DPYD: variants seen among roughly 807,000 people sequenced by gnomAD.
The protein encoded by DPYD is dihydropyrimidine dehydrogenase [NADP(+)].
Under a neutral mutation model 116.2 loss-of-function variants are expected in DPYD, and 109 were observed. The ratio of observed to expected loss-of-function variants is 0.94; its 90% CI spans 0.80 to 1.10. DPYD has a LOEUF of 1.10. DPYD is among the 50% of genes least tolerant of loss of function. The probability of loss-of-function intolerance (pLI) is 0.00; values close to 1 mark genes in which losing one functional copy is unlikely to be tolerated. For synonymous variants in DPYD, 440 were observed against 432.0 expected (o/e 1.02, Z -0.23); for missense variants, 1,302 against 1,254.5 (o/e 1.04, Z -0.57).
intron 16 of DPYD, among the ~76,000 whole-genome samples, chr1:97,361,964 C>A (rs34011849): frequency 6.6e-6 from 1 of 152,042 alleles, no homozygotes; most frequent in Non-Finnish European, 1.5e-5. Context: ...GGCCATCAGG[C>A]AAGAGAAAGA....
chr1:97,181,554 A>G (rs1427566765), intron 20 of DPYD, among the ~76,000 whole-genome samples: 1 of 152,142 alleles, frequency 6.6e-6, no homozygotes, highest in East Asian at 1.9e-4. Context: ...TTCAAAAGAC[A>G]AAGATGCTAG....
chr1:97,837,715 A>C (rs897960568), intron 2 of DPYD, among the ~76,000 whole-genome samples: 1 of 152,194 alleles, frequency 6.6e-6, no homozygotes, highest in South Asian at 2.1e-4. Context: ...TTAGCAATAA[A>C]TAGATCAATA....
rs553397006 is a variant in DPYD at position 97,392,649 on chromosome 1, GT to G, written c.1906-10189del. On this transcript the variant is annotated intron_variant, in intron 14 of 22. Transcript: ENST00000370192. ...GTTTATGGAATATTCTAAATCTTTT[GT>G]TTTTATTTCAACAACGTTCACAGCA... 3.6e-3 allele frequency among the ~76,000 whole-genome samples: 555 copies of G among 152,080 alleles called. 3 individuals are homozygous for G. The highest frequency in any genetic ancestry group is 0.013 in the African/African-American group (539 of 41,520).
chr1:97,752,290 TCACACACACACACACA>T (rs146577982), intron 3 of DPYD, among the ~76,000 whole-genome samples: 1 of 145,862 alleles, frequency 6.9e-6, no homozygotes, highest in Non-Finnish European at 1.5e-5. Context: ...TAAACCTACT[TCACACACACACACACA>T]CACACACACA....
intron 19 of DPYD, among the ~76,000 whole-genome samples, chr1:97,232,665 ATTTT>A (rs764641371): frequency 3.3e-5 from 5 of 151,728 alleles, no homozygotes; most frequent in Admixed American, 2.0e-4. Flanking sequence ...TAGTTCACTG[ATTTT>A]TTCTTCTGTT....
intron 21 of DPYD, among the ~76,000 whole-genome samples, chr1:97,082,879 G>T (rs1478926626): frequency 6.6e-6 from 1 of 152,088 alleles, no homozygotes; most frequent in African/African-American, 2.4e-5. Context: ...AGTTTAGATT[G>T]CTCATAATGA....
chr1:97,274,122 C>T (rs471581), intron 18 of DPYD, among the ~76,000 whole-genome samples: 115,629 of 152,058 alleles, frequency 0.76, 44,977 homozygotes, highest in African/African-American at 0.93. Flanking sequence ...AGAATAAAAA[C>T]GAGAAAATAA....
intron 8 of DPYD, among the ~76,000 whole-genome samples, chr1:97,632,357 T>A (rs1010105734): frequency 2.0e-5 from 3 of 152,166 alleles, no homozygotes; most frequent in Admixed American, 1.3e-4. Context: ...TCTAGAGCTA[T>A]CTACCATCCC....
chr1:97,155,964 G>A (rs912759366), intron 20 of DPYD, among the ~76,000 whole-genome samples: 1 of 151,196 alleles, frequency 6.6e-6, no homozygotes, highest in Non-Finnish European at 1.5e-5. Context: ...CATAGCTGTG[G>A]AGTTGGGCCT....
At chr1:97,565,628 A>T (rs1457769180) in intron 11 of DPYD, among the ~76,000 whole-genome samples, 7 of 152,078 alleles carry the variant, frequency 4.6e-5, no homozygotes, top group Non-Finnish European at 1.0e-4. Flanking sequence ...ACTCCTACTC[A>T]AGCTCTAAAA....
rs988920976 is a variant in DPYD at position 97,158,539 on chromosome 1, C to T, written c.2622+34530G>A. 2.8e-5 allele frequency among the ~76,000 whole-genome samples: 4 copies of T among 141,160 alleles called. No homozygotes were observed. The Admixed American group carries it at 2.9e-4, about 10-fold the overall frequency. The allele number at this position is 141,160 out of a possible 152,430, so 92.6% of individuals were successfully genotyped here. A position where few individuals can be genotyped will look rare whatever the true frequency, so the allele number is the denominator to read the frequency against. On this transcript the variant is annotated intron_variant, in intron 20 of 22. Coordinates refer to ENST00000370192, the MANE Select transcript of DPYD (RefSeq NM_000110.4). ...CACACACACACTCTATCCAAATGCA[C>T]TGAAGAATGTCCAAAAGAGGGCAGA...
At chr1:97,603,944 G>A (rs142524433) in intron 8 of DPYD, among the ~76,000 whole-genome samples, 23 of 152,248 alleles carry the variant, frequency 1.5e-4, no homozygotes, top group African/African-American at 4.3e-4. Flanking sequence ...ATGAGTTAGG[G>A]TCATGGATTA....
At chr1:97,793,196 G>A (rs545331143) in intron 3 of DPYD, among the ~76,000 whole-genome samples, 2 of 152,068 alleles carry the variant, frequency 1.3e-5, no homozygotes, top group South Asian at 4.1e-4. Context: ...AAACTACCAT[G>A]CTGAGAAAAA....
At chr1:97,289,505 C>T (rs1271773890) in intron 18 of DPYD, among the ~76,000 whole-genome samples, 1 of 151,644 alleles carries the variant, frequency 6.6e-6, no homozygotes, top group Non-Finnish European at 1.5e-5. Context: ...AAGTGGGCTT[C>T]ATCCCTGGGA....
Position 97,830,901 on chromosome 1 carries a change from T to C in DPYD, c.151-2705A>G, listed in dbSNP as rs1030824807. ...GTAGAAGCGGCAACCTTAATAATAA[T>C]TTTATCAGGAAGTGGTTAAAATGGC... is the stretch of plus-strand genomic sequence containing the variant. On this transcript the variant is annotated intron_variant, in intron 2 of 22. Transcript: ENST00000370192. Among the ~76,000 whole-genome samples, 50 of 152,076 alleles carry C rather than the reference T, an allele frequency of 3.3e-4. 2 individuals are homozygous for C. Among genetic ancestry groups the C allele is most frequent in the Non-Finnish European group, 2.6e-4 (18 of 68,006 alleles).
rs1295818711 is a variant in DPYD, at chr1:97,691,817, G to T, written c.681-19C>A. ...AGAAGTACTGAAAAGAAAGGAGAAA[G>T]AAAAACAGGCATCAGTAGAAAAATG... On this transcript the variant is annotated intron_variant, in intron 6 of 22. Coordinates refer to ENST00000370192, the MANE Select transcript of DPYD (RefSeq NM_000110.4). The T allele has an allele frequency of 1.2e-6, 2 of 1,605,138 alleles. No homozygotes were observed. Among genetic ancestry groups the T allele is most frequent in the Non-Finnish European group, 1.7e-6 (2 of 1,172,454 alleles).
intron 20 of DPYD, among the ~76,000 whole-genome samples, chr1:97,149,605 G>T (rs1654874274): frequency 6.6e-6 from 1 of 152,052 alleles, no homozygotes; most frequent in Admixed American, 6.6e-5. Context: ...ACATCATCTT[G>T]CAACTCGATT....
chr1:97,821,850 A>C (rs1036506432), intron 3 of DPYD, among the ~76,000 whole-genome samples: 8 of 152,116 alleles, frequency 5.3e-5, no homozygotes, highest in African/African-American at 1.9e-4. Flanking sequence ...ATTAATTTTC[A>C]TAAATTACAA....
intron 18 of DPYD, among the ~76,000 whole-genome samples, chr1:97,281,198 A>G (rs969169711): frequency 6.6e-6 from 1 of 152,056 alleles, no homozygotes; most frequent in Non-Finnish European, 1.5e-5. Context: ...GAGAATGACT[A>G]AAAGAAAGAA....
Sources: gnomAD v4.1 joint callset for allele counts (sites outside exome capture counted in the v4.1 genomes callset) on GRCh38, gnomAD v4.1.1 for gene constraint, MANE v1.5 for transcripts, NCBI Gene and HGNC (gene_info 2026-07-23, HGNC 2026-07-21) for gene names.